Variants in RGS6 observed in about 807,000 individuals in gnomAD.
RGS6 encodes regulator of G-protein signaling 6.
Under a neutral mutation model 78.5 loss-of-function variants are expected in RGS6, and 30 were observed. The observed-to-expected ratio is 0.38, with a 90% confidence interval of 0.29 to 0.52. The LOEUF (loss-of-function observed/expected upper bound fraction) is 0.52. Ranked by LOEUF, RGS6 falls within the 20% of genes least tolerant of loss-of-function variation. RGS6 has a pLI of 0.85. For missense variants in RGS6, 495 were observed against 609.7 expected, an observed-to-expected ratio of 0.81 and a Z score of 1.98; for synonymous variants, 206 against 206.0, an observed-to-expected ratio of 1.00 and a Z score of 0.00.
chr14:72,254,762 C>T (rs1008455697), intron 2 of RGS6, among the ~76,000 whole-genome samples: 1 of 152,140 alleles, frequency 6.6e-6, no homozygotes, highest in Admixed American at 6.5e-5. Context: ...AAACAAAAGG[C>T]AGTATCCCTT....
chr14:72,450,042 C>T (rs1014151652), intron 3 of RGS6, among the ~76,000 whole-genome samples: 3 of 152,176 alleles, frequency 2.0e-5, no homozygotes, highest in African/African-American at 7.2e-5. Flanking sequence ...GTTCTATGAA[C>T]TTCAAATAAT....
intron 2 of RGS6, among the ~76,000 whole-genome samples, chr14:72,249,677 G>A (rs1023043063): frequency 6.6e-6 from 1 of 152,064 alleles, no homozygotes; most frequent in Non-Finnish European, 1.5e-5. Flanking sequence ...ATTTTTTATG[G>A]CCTTTTGGAT....
chr14:72,395,241 A>G (rs1322471064), intron 3 of RGS6, among the ~76,000 whole-genome samples: 1 of 152,196 alleles, frequency 6.6e-6, no homozygotes, highest in Non-Finnish European at 1.5e-5. Context: ...CATTTTCTAA[A>G]TCTCACCTTC....
At chr14:72,047,303 T>A (rs1396092383) in intron 2 of RGS6, among the ~76,000 whole-genome samples, 1 of 152,204 alleles carries the variant, frequency 6.6e-6, no homozygotes, top group East Asian at 1.9e-4. Flanking sequence ...TGGTTATTAT[T>A]AGTGAGTACT....
intron 2 of RGS6, among the ~76,000 whole-genome samples, chr14:72,313,151 C>A (rs897674273): frequency 6.6e-5 from 10 of 152,180 alleles, no homozygotes; most frequent in African/African-American, 1.9e-4. Context: ...GGGATAGCGT[C>A]CTACCATCTC....
At chr14:72,308,316 ACAACT>A (rs2067729363) in intron 2 of RGS6, among the ~76,000 whole-genome samples, 2 of 152,206 alleles carry the variant, frequency 1.3e-5, no homozygotes, top group African/African-American at 2.4e-5. Context: ...TGTAGCAAAT[ACAACT>A]GTCCTTCAGG....
At chr14:71,921,283 AG>A in the RGS6 span, among the ~76,000 whole-genome samples, 1 of 152,168 alleles carries the variant, frequency 6.6e-6, no homozygotes. Context: ...TTATGGAAAA[AG>A]GGGGTTCCCC....
intron 2 of RGS6, among the ~76,000 whole-genome samples, chr14:72,073,879 T>G (rs2094489850): frequency 6.6e-6 from 1 of 152,198 alleles, no homozygotes; most frequent in African/African-American, 2.4e-5. Context: ...ATTATTACTA[T>G]TATTGGATAT....
Position 72,378,914 on chromosome 14 carries a change from G to C in RGS6, c.184+26720G>C, listed in dbSNP as rs1296706884. On this transcript the variant is annotated intron_variant, in intron 3 of 17. Coordinates refer to ENST00000553525, the MANE Select transcript of RGS6 (RefSeq NM_001204424.2). ...GGTTATACAGGTTAATATCCTTAAT[G>C]AACATAGACACAAAAATCCTCAACA... 2.0e-5 allele frequency among the ~76,000 whole-genome samples: 3 copies of C among 152,170 alleles called. No individual in the cohort carries two copies. In the East Asian group the frequency reaches 5.8e-4, roughly 29 times the overall value.
chr14:72,280,106 C>T lies in RGS6; in HGVS notation c.85-71989C>T, dbSNP rs574729822. Among the ~76,000 whole-genome samples, 188 of 152,130 alleles carry T rather than the reference C, an allele frequency of 1.2e-3. 3 individuals are homozygous for T. Among genetic ancestry groups the T allele is most frequent in the Non-Finnish European group, 5.1e-4 (35 of 68,010 alleles). On this transcript the variant is annotated intron_variant, in intron 2 of 17. Coordinates refer to ENST00000553525, the MANE Select transcript of RGS6 (RefSeq NM_001204424.2). The stretch of plus-strand genomic sequence containing the variant: ...GTTGTGAAGTCAGCATGGTCCCCAC[C>T]GCCACGCCCCCACCCCAGGCCAAAC...
intron 6 of RGS6, among the ~76,000 whole-genome samples, chr14:72,463,673 G>A (rs1209569241): frequency 6.6e-6 from 1 of 152,190 alleles, no homozygotes; most frequent in African/African-American, 2.4e-5. Flanking sequence ...GCAAAATCCT[G>A]TCCAGGGCAG....
chr14:72,237,096 A>G (rs922852545), intron 2 of RGS6, among the ~76,000 whole-genome samples: 2 of 152,230 alleles, frequency 1.3e-5, no homozygotes, highest in Non-Finnish European at 1.5e-5. Context: ...GGATAAGTAC[A>G]TGCAATACAT....
At chr14:72,518,311 G>A (rs1408418151) in intron 14 of RGS6, 40 bp from the exon 15 acceptor site, 17 of 1,588,168 alleles carry the variant, frequency 1.1e-5, no homozygotes, top group Non-Finnish European at 1.4e-5. Flanking sequence ...TCCCGATGCT[G>A]AGCCCCCTGG....
intron 2 of RGS6, among the ~76,000 whole-genome samples, chr14:72,159,255 A>G (rs1332493768): frequency 6.6e-6 from 1 of 152,192 alleles, no homozygotes; most frequent in African/African-American, 2.4e-5. Context: ...TGTTATTCAG[A>G]ACATCTATCG....
chr14:72,026,005 C>A (rs937234596), intron 2 of RGS6, among the ~76,000 whole-genome samples: 3 of 152,078 alleles, frequency 2.0e-5, no homozygotes, highest in East Asian at 3.9e-4. Flanking sequence ...AACAGACAAA[C>A]CTCATCACAT....
chr14:72,201,626 G>C (rs1433116911), intron 2 of RGS6, among the ~76,000 whole-genome samples: 1 of 152,192 alleles, frequency 6.6e-6, no homozygotes, highest in Non-Finnish European at 1.5e-5. Context: ...CTGAAAAACA[G>C]TTTCTCTACT....
At chr14:71,911,163 G>A in the RGS6 span, among the ~76,000 whole-genome samples, 1 of 152,168 alleles carries the variant, frequency 6.6e-6, no homozygotes, top group African/African-American at 2.4e-5. Context: ...TGCCTTATTT[G>A]CATTGTGACA....
At chr14:72,275,421 A>G (rs984291205) in intron 2 of RGS6, among the ~76,000 whole-genome samples, 11 of 152,218 alleles carry the variant, frequency 7.2e-5, no homozygotes, top group African/African-American at 2.7e-4. Flanking sequence ...AAGATTGGGT[A>G]CGAAGATCAA....
intron 17 of RGS6, 70 bp downstream of exon 17, chr14:72,540,164 T>C: frequency 6.5e-7 from 1 of 1,532,170 alleles, no homozygotes; most frequent in Non-Finnish European, 8.8e-7. Flanking sequence ...CTTCTTTTTT[T>C]TTTTTTTCCC....
Sources: gnomAD v4.1 joint callset for allele counts (sites outside exome capture counted in the v4.1 genomes callset) on GRCh38, gnomAD v4.1.1 for gene constraint, MANE v1.5 for transcripts, NCBI Gene and HGNC (gene_info 2026-07-23, HGNC 2026-07-21) for gene names.